CCDC68: variants seen among roughly 807,000 people sequenced by gnomAD.
CCDC68 encodes the protein coiled-coil domain containing 68.
A neutral mutation model predicts 47.1 loss-of-function variants in CCDC68; 45 were observed. That is an observed-to-expected ratio of 0.96 (90% CI 0.75 to 1.23). CCDC68 has a LOEUF of 1.23. Ranked by LOEUF, CCDC68 falls within the 50% of genes most tolerant of loss-of-function variation. The pLI, the probability that CCDC68 is intolerant of heterozygous loss-of-function variation, is 0.00. For missense variants in CCDC68, 353 were observed against 373.6 expected, an observed-to-expected ratio of 0.94 and a Z score of 0.45; for synonymous variants, 131 against 129.5, an observed-to-expected ratio of 1.01 and a Z score of -0.08.
At chr18:54,937,436 C>T (rs900708317) in intron 5 of CCDC68, among the ~76,000 whole-genome samples, 152 of 152,176 alleles carry the variant, frequency 1.0e-3, no homozygotes, top group African/African-American at 3.6e-3. Context: ...ACTATAAAGA[C>T]TTCCCTACCA....
chr18:54,947,856 A>T (rs2044552356), intron 1 of CCDC68, among the ~76,000 whole-genome samples: 1 of 152,176 alleles, frequency 6.6e-6, no homozygotes, highest in African/African-American at 2.4e-5. Context: ...CCGGGGGAGA[A>T]ATTCCTTATT....
intron 10 of CCDC68, among the ~76,000 whole-genome samples, chr18:54,910,716 C>T (rs1383136217): frequency 6.6e-6 from 1 of 152,252 alleles, no homozygotes; most frequent in Non-Finnish European, 1.5e-5. Flanking sequence ...GCTTCCCTCT[C>T]ATGCTCAGTG....
At chr18:54,927,842 T>A (rs112712440) in intron 8 of CCDC68, among the ~76,000 whole-genome samples, 2,051 of 151,992 alleles carry the variant, frequency 0.013, 43 homozygotes, top group African/African-American at 0.041. Flanking sequence ...AAATGCAGGA[T>A]TACAAGCCAG....
chr18:54,955,092 G>A (rs1030986717), intron 1 of CCDC68, among the ~76,000 whole-genome samples: 4 of 152,188 alleles, frequency 2.6e-5, no homozygotes, highest in African/African-American at 9.7e-5. Flanking sequence ...AGGCCAAGGT[G>A]GAAGGATTGC....
chr18:54,922,488 C>T (rs2044077572), intron 8 of CCDC68, among the ~76,000 whole-genome samples: 1 of 152,082 alleles, frequency 6.6e-6, no homozygotes, highest in South Asian at 2.1e-4. Context: ...TGCGAACATG[C>T]AGAGGATGGG....
At chr18:54,907,887 G>A (rs373869734) in intron 10 of CCDC68, 25 bp from the exon 11 acceptor site, 32 of 1,290,156 alleles carry the variant, frequency 2.5e-5, no homozygotes, top group South Asian at 7.1e-5. Flanking sequence ...AAATGCAGAC[G>A]TCAAATAGCT....
At chr18:54,956,830 A>T (rs2044719792) in intron 1 of CCDC68, among the ~76,000 whole-genome samples, 1 of 152,180 alleles carries the variant, frequency 6.6e-6, no homozygotes, top group African/African-American at 2.4e-5. Flanking sequence ...GGATTGTGCT[A>T]ATGGTTGCAC....
chr18:54,902,839 C>G lies in CCDC68; in HGVS notation c.*1519G>C, dbSNP rs1176267438. 6.6e-6 allele frequency: 1 copy of G among 152,150 alleles called. No individual in the cohort carries two copies. Among genetic ancestry groups the G allele is most frequent in the Non-Finnish European group, 1.5e-5 (1 of 68,020 alleles). 9.4% of individuals were successfully genotyped at this position (152,150 alleles called of 1,614,324 possible). A position where few individuals can be genotyped will look rare whatever the true frequency, so the allele number is the denominator to read the frequency against. On this transcript the variant is annotated 3_prime_UTR_variant, in exon 12 of 12. Transcript: ENST00000591504. ...CAAATTTTTGCTTCACAGTTAGCAG[C>G]TGGGCAAATTACTCAACCACTCTCA... is the stretch of plus-strand genomic sequence containing the variant.
intron 1 of CCDC68, among the ~76,000 whole-genome samples, chr18:54,948,077 C>A (rs2044555524): frequency 2.6e-5 from 4 of 152,174 alleles, no homozygotes; most frequent in Admixed American, 2.6e-4. Context: ...TAAACACAAA[C>A]AAATGCCTGT....
chr18:54,911,490 C>T (rs1914364173), intron 10 of CCDC68, among the ~76,000 whole-genome samples: 1 of 152,164 alleles, frequency 6.6e-6, no homozygotes, highest in African/African-American at 2.4e-5. Flanking sequence ...TCTTCACATG[C>T]AATCATCATT....
At chr18:54,943,771 A>C (rs1006532613) in intron 2 of CCDC68, among the ~76,000 whole-genome samples, 3 of 152,236 alleles carry the variant, frequency 2.0e-5, no homozygotes, top group African/African-American at 4.8e-5. Context: ...CACATTATAG[A>C]ATAAAGCCAA....
intron 1 of CCDC68, among the ~76,000 whole-genome samples, chr18:54,957,470 C>T (rs2044732186): frequency 6.6e-6 from 1 of 152,188 alleles, no homozygotes; most frequent in Admixed American, 6.5e-5. Context: ...TTACACAGGG[C>T]TGTGTTTGGC....
At chr18:54,908,071 C>T (rs1296999150) in intron 10 of CCDC68, among the ~76,000 whole-genome samples, 1 of 152,116 alleles carries the variant, frequency 6.6e-6, no homozygotes, top group Non-Finnish European at 1.5e-5. Context: ...GTATAATTTA[C>T]CAAGGGACTA....
rs777187553 is a variant in CCDC68 at position 54,941,054 on chromosome 18, G to C, written c.147C>G (p.Thr49=). ...KIRTTLQKIR[T]QMFKDEIRHD... ...GTCTTATTTCATCTTTAAACATCTG[G>C]GTCCTGATCTTTTGCAGAGTAGTTC... The change falls in exon 4 of 12, where the codon ACC becomes ACG. Residue 49 remains threonine (T), a synonymous_variant. Coordinates refer to ENST00000591504, the MANE Select transcript of CCDC68 (RefSeq NM_025214.3). 3.1e-6 allele frequency: 5 copies of C among 1,612,608 alleles called. No homozygotes were observed. The highest frequency in any genetic ancestry group is 1.1e-5 in the South Asian group (1 of 90,978).
At chr18:54,945,552 A>G (rs575684228) in intron 1 of CCDC68, 75 bp from the exon 2 acceptor site, 1 of 152,298 alleles carries the variant, frequency 6.6e-6, no homozygotes, top group Non-Finnish European at 1.5e-5. Flanking sequence ...AAAAAACACA[A>G]AGAATTTGCA....
rs2044191834 is a variant in CCDC68 at position 54,928,806 on chromosome 18, C to G, written c.677G>C (p.Gly226Ala). 6.2e-6 allele frequency: 10 copies of G among 1,608,198 alleles called. No individual in the cohort carries two copies. Among genetic ancestry groups the G allele is most frequent in the Non-Finnish European group, 7.7e-6 (9 of 1,174,980 alleles). The change falls in exon 8 of 12, where the codon GGA becomes GCA. Residue 226 changes from glycine (G) to alanine (A), a missense_variant. Physicochemically the swap from Gly to Ala is moderately conservative, Grantham distance 60 (BLOSUM62 0). Coordinates refer to ENST00000591504, the MANE Select transcript of CCDC68 (RefSeq NM_025214.3). ...AACAGGTAGCTTCACAAACCTTTTT[C>G]CATATGTAGCACTGGATTTGAGTTG... ...LLQLKSSATY[G>A]KSCQDLQREI...
chr18:54,940,932 T>A, intron 4 of CCDC68, 65 bp downstream of exon 4: 1 of 1,156,480 alleles, frequency 8.6e-7, no homozygotes, highest in Non-Finnish European at 1.3e-6. Context: ...AAGTTAGTAA[T>A]TGCCCAAAAA....
intron 7 of CCDC68, among the ~76,000 whole-genome samples, chr18:54,934,106 A>C (rs2044306472): frequency 6.6e-6 from 1 of 152,234 alleles, no homozygotes. Flanking sequence ...TCCCCAATTC[A>C]GTTTCAGAGA....
chr18:54,958,549 A>G (rs2044750688), intron 1 of CCDC68, among the ~76,000 whole-genome samples: 1 of 152,224 alleles, frequency 6.6e-6, no homozygotes, highest in African/African-American at 2.4e-5. Context: ...AAAATAAAAC[A>G]ATCAGAATAT....
Sources: gnomAD v4.1 joint callset for allele counts (sites outside exome capture counted in the v4.1 genomes callset) on GRCh38, gnomAD v4.1.1 for gene constraint, MANE v1.5 for transcripts, NCBI Gene and HGNC (gene_info 2026-07-23, HGNC 2026-07-21) for gene names.